Variants in IGF2BP3 observed in about 807,000 individuals in gnomAD.
IGF2BP3 encodes the protein insulin-like growth factor 2 mRNA-binding protein 3.
A neutral mutation model predicts 73.8 loss-of-function variants in IGF2BP3; 9 were observed. The ratio of observed to expected loss-of-function variants is 0.12; its 90% CI spans 0.07 to 0.21. The LOEUF (loss-of-function observed/expected upper bound fraction) is 0.21. IGF2BP3 is among the 10% of genes least tolerant of loss of function. IGF2BP3 has a pLI of 1.00. For synonymous variants in IGF2BP3, 258 were observed against 256.7 expected, an observed-to-expected ratio of 1.01 and a Z score of -0.05; for missense variants, 542 against 714.0, an observed-to-expected ratio of 0.76 and a Z score of 2.75.
intron 2 of IGF2BP3, among the ~76,000 whole-genome samples, chr7:23,438,553 A>G (rs557449843): frequency 4.6e-5 from 7 of 152,332 alleles, no homozygotes; most frequent in Admixed American, 2.0e-4. Context: ...GATCCAATGC[A>G]TATGATGTTT....
At chr7:23,465,240 G>A (rs549302353) in intron 2 of IGF2BP3, among the ~76,000 whole-genome samples, 2 of 152,248 alleles carry the variant, frequency 1.3e-5, no homozygotes, top group Admixed American at 1.3e-4. Flanking sequence ...CAAGGTGGAG[G>A]GAAAAAAGTT....
At chr7:23,355,616 G>A (rs1293161629) in intron 5 of IGF2BP3, among the ~76,000 whole-genome samples, 2 of 152,044 alleles carry the variant, frequency 1.3e-5, no homozygotes, top group African/African-American at 4.8e-5. Flanking sequence ...TTGCCAGTTG[G>A]TAGAATTTAA....
At position 23,468,531 on chromosome 7, in the gene IGF2BP3, G is replaced by C; in HGVS notation, c.187C>G (p.Leu63Val). The change falls in exon 2 of 15, where the codon CTG (leucine) becomes GTG (valine). Residue 63 changes from leucine (L) to valine (V), a missense_variant. Around this residue, in one of 2 missense-constraint regions of IGF2BP3, gnomAD observed 239 missense variants for 241.9 expected, o/e 0.99. Coordinates refer to ENST00000258729, the MANE Select transcript of IGF2BP3 (RefSeq NM_006547.3). ...TCAACTTCTATGGGTTTCCCGTGCA[G>C]TTCTATTTTACCTGCGGACACACAA... ...AIEALSGKIE[L>V]HGKPIEVEHS... The C allele has an allele frequency of 6.2e-7, 1 of 1,614,234 alleles. No individual in the cohort carries two copies. Among genetic ancestry groups the C allele is most frequent in the Non-Finnish European group, 8.5e-7 (1 of 1,180,030 alleles).
chr7:23,348,261 G>C (rs566731092), intron 6 of IGF2BP3, among the ~76,000 whole-genome samples: 49 of 152,198 alleles, frequency 3.2e-4, no homozygotes, highest in Non-Finnish European at 6.0e-4. Flanking sequence ...GATAGGAATG[G>C]AACCTGGACA....
At chr7:23,432,726 A>G (rs766151872) in intron 2 of IGF2BP3, among the ~76,000 whole-genome samples, 12 of 151,656 alleles carry the variant, frequency 7.9e-5, no homozygotes, top group South Asian at 2.1e-4. Context: ...TTGCAGCCTC[A>G]ACCTCCGAGG....
At chr7:23,370,364 G>A (rs1178685479) in intron 3 of IGF2BP3, among the ~76,000 whole-genome samples, 2 of 152,088 alleles carry the variant, frequency 1.3e-5, no homozygotes, top group Non-Finnish European at 1.5e-5. Context: ...TCATACATAC[G>A]ATCTTAGATT....
intron 3 of IGF2BP3, among the ~76,000 whole-genome samples, chr7:23,380,317 C>T (rs970600759): frequency 4.6e-5 from 7 of 152,078 alleles, no homozygotes; most frequent in East Asian, 3.9e-4. Flanking sequence ...TGCCTGCCAC[C>T]GTGCCCAGCT....
chr7:23,400,785 G>T (rs1325442592), intron 3 of IGF2BP3, among the ~76,000 whole-genome samples: 2 of 152,184 alleles, frequency 1.3e-5, no homozygotes, highest in Non-Finnish European at 2.9e-5. Flanking sequence ...AAGAGCAGAA[G>T]TATTTAAGAT....
At chr7:23,370,321 C>T (rs931180954) in intron 3 of IGF2BP3, among the ~76,000 whole-genome samples, 2 of 152,228 alleles carry the variant, frequency 1.3e-5, no homozygotes, top group African/African-American at 2.4e-5. Flanking sequence ...CAGAGTCACA[C>T]TGACTTCCAT....
rs145056288 is a variant in IGF2BP3, at chr7:23,312,812, C to T, written c.1564G>A (p.Val522Ile). ...TCAGGTGTCTGGTCACGAGGGACAA[C>T]AACTTCTGCACTTGACAAATTCTGA... The part of the protein sequence containing the change: ...ELQNLSSAEV[V>I]VPRDQTPDEN... The change falls in exon 14 of 15, where the codon GTT (valine) becomes ATT (isoleucine). Residue 522 changes from valine (V) to isoleucine (I), a missense_variant. This residue lies in a region of IGF2BP3 where 303 missense variants were observed against 472.1 expected (regional missense o/e 0.64). Transcript: ENST00000258729. The T allele has an allele frequency of 7.7e-4, 1,239 of 1,612,368 alleles. 2 individuals are homozygous for T. Among genetic ancestry groups the T allele is most frequent in the Non-Finnish European group, 8.5e-4 (1,004 of 1,179,500 alleles).
chr7:23,348,082 G>C (rs372342369), intron 6 of IGF2BP3, among the ~76,000 whole-genome samples: 1 of 152,158 alleles, frequency 6.6e-6, no homozygotes, highest in Non-Finnish European at 1.5e-5. Flanking sequence ...GAACTGGAGG[G>C]CATGCCAAGA....
At chr7:23,348,537 T>G (rs539702787) in intron 6 of IGF2BP3, among the ~76,000 whole-genome samples, 1 of 152,320 alleles carries the variant, frequency 6.6e-6, no homozygotes, top group African/African-American at 2.4e-5. Context: ...CCTGGTAACA[T>G]CTACAGATAT....
At chr7:23,465,094 A>G (rs1788535508) in intron 2 of IGF2BP3, among the ~76,000 whole-genome samples, 1 of 152,192 alleles carries the variant, frequency 6.6e-6, no homozygotes, top group Admixed American at 6.5e-5. Flanking sequence ...CAACATAACA[A>G]AAAAGGACAT....
At chr7:23,439,934 T>C (rs888930392) in intron 2 of IGF2BP3, among the ~76,000 whole-genome samples, 5 of 152,158 alleles carry the variant, frequency 3.3e-5, no homozygotes, top group Admixed American at 2.6e-4. Context: ...ACAATGGCCC[T>C]TTCCTCTCTG....
intron 2 of IGF2BP3, among the ~76,000 whole-genome samples, chr7:23,420,473 G>T (rs949838589): frequency 6.6e-6 from 1 of 151,808 alleles, no homozygotes; most frequent in Non-Finnish European, 1.5e-5. Flanking sequence ...GTGACAACCT[G>T]TCTCAAAAAG....
chr7:23,374,238 T>C (rs1489675156), intron 3 of IGF2BP3, among the ~76,000 whole-genome samples: 1 of 152,178 alleles, frequency 6.6e-6, no homozygotes, highest in African/African-American at 2.4e-5. Flanking sequence ...AAGCATCCTC[T>C]GACTAATGAA....
At chr7:23,396,070 C>T (rs2128523285) in intron 3 of IGF2BP3, among the ~76,000 whole-genome samples, 1 of 149,872 alleles carries the variant, frequency 6.7e-6, no homozygotes, top group South Asian at 2.1e-4. Context: ...ACCCAATAAC[C>T]CATTACAGAG....
chr7:23,365,794 T>A (rs1583941185), intron 3 of IGF2BP3: 1 of 152,524 alleles, frequency 6.6e-6, no homozygotes, highest in East Asian at 1.9e-4. Flanking sequence ...TTCACTGACA[T>A]GAGGCTCAAC....
chr7:23,364,445 G>A lies in IGF2BP3; in HGVS notation c.286-2704C>T, dbSNP rs555074559. 5.3e-5 allele frequency among the ~76,000 whole-genome samples: 8 copies of A among 150,958 alleles called. No individual in the cohort carries two copies. The South Asian group carries it at 1.7e-3, about 32-fold the overall frequency. On this transcript the variant is annotated intron_variant, in intron 3 of 14. Transcript: ENST00000258729. ...TGCCTGTAATACCAGCTACTTGGGA[G>A]GCCGAGGCAAGAGAATTACTTGAAC...
Sources: allele counts gnomAD v4.1 joint callset (sites outside exome capture counted in the v4.1 genomes callset), GRCh38; gene constraint gnomAD v4.1.1; regional missense constraint gnomAD v4.1.1; transcripts MANE v1.5; gene names NCBI Gene and HGNC (gene_info 2026-07-23, HGNC 2026-07-21).